Variants in HFM1 observed in about 807,000 individuals in gnomAD.
The protein encoded by HFM1 is helicase for meiosis 1, also known as probable ATP-dependent DNA helicase HFM1.
HFM1 carries 169 observed loss-of-function variants against 192.1 expected under a neutral mutation model. The observed-to-expected ratio is 0.88, with a 90% confidence interval of 0.78 to 1.00. The LOEUF is 1.00. Among genes scored for constraint, HFM1 ranks in the 50% least tolerant of loss-of-function variants. HFM1 has a pLI of 0.00. For synonymous variants in HFM1, 525 were observed against 537.8 expected (o/e 0.98, Z 0.33); for missense variants, 1,661 against 1,668.0 (o/e 1.00, Z 0.07).
intron 23 of HFM1, 28 bp downstream of exon 23, chr1:91,322,922 A>T (rs978284602): frequency 9.3e-7 from 1 of 1,079,782 alleles, no homozygotes; most frequent in African/African-American, 1.7e-5. Flanking sequence ...AAAAAAAGAA[A>T]ACTTTCATAA....
intron 30 of HFM1, among the ~76,000 whole-genome samples, chr1:91,282,836 T>TA (rs759085610): frequency 3.3e-5 from 5 of 152,208 alleles, no homozygotes; most frequent in Admixed American, 6.5e-5. Context: ...CTTTGGGTCT[T>TA]AAATACTAAA....
intron 38 of HFM1, chr1:91,261,589 A>G (rs1448498709): frequency 3.4e-6 from 1 of 294,552 alleles, no homozygotes; most frequent in Non-Finnish European, 6.3e-6. Flanking sequence ...CTTTAAATAT[A>G]TTGAAAAGTT....
chr1:91,284,797 A>C (rs541203262), intron 30 of HFM1, among the ~76,000 whole-genome samples: 20 of 152,302 alleles, frequency 1.3e-4, no homozygotes, highest in African/African-American at 4.6e-4. Flanking sequence ...GTTCTTCCTC[A>C]AATTATACAA....
chr1:91,402,932 C>T (rs1416072458), intron 1 of HFM1, among the ~76,000 whole-genome samples: 1 of 152,040 alleles, frequency 6.6e-6, no homozygotes, highest in African/African-American at 2.4e-5. Flanking sequence ...CAAAAACCTC[C>T]TATACAAACA....
chr1:91,277,506 G>GTGTGTGT (rs1557765788), intron 30 of HFM1, among the ~76,000 whole-genome samples: 5 of 134,096 alleles, frequency 3.7e-5, no homozygotes, highest in African/African-American at 1.1e-4. Flanking sequence ...CTCCCTGGTG[G>GTGTGTGT]GTGTGTGTGT....
chr1:91,351,492 G>T, intron 17 of HFM1, 57 bp downstream of exon 17: 1 of 886,264 alleles, frequency 1.1e-6, no homozygotes, highest in Non-Finnish European at 1.8e-6. Context: ...ATTTTAAAAG[G>T]AAATAAAATA....
chr1:91,353,644 T>C (rs1486888328), intron 13 of HFM1, among the ~76,000 whole-genome samples: 34 of 38,190 alleles, frequency 8.9e-4, no homozygotes, highest in Non-Finnish European at 8.7e-4. Flanking sequence ...ATATTACTAG[T>C]AAATAAGCAA....
At chr1:91,265,450 T>A (rs1256358323) in intron 36 of HFM1, among the ~76,000 whole-genome samples, 1 of 152,204 alleles carries the variant, frequency 6.6e-6, no homozygotes. Flanking sequence ...GGCTGCTCCC[T>A]TTAGATGGGA....
At chr1:91,287,676 G>A (rs1407996343) in intron 30 of HFM1, among the ~76,000 whole-genome samples, 8 of 152,058 alleles carry the variant, frequency 5.3e-5, no homozygotes, top group Non-Finnish European at 8.8e-5. Context: ...TGACTTTGAC[G>A]AGCTGAGAGA....
In HFM1 at chr1:91,269,667, C is replaced by A. The variant is rs118043194; in HGVS notation, c.3773-1812G>T. 1.1e-3 allele frequency among the ~76,000 whole-genome samples: 161 copies of A among 152,168 alleles called. 5 individuals are homozygous for A. The East Asian group carries it at 0.027, about 26-fold the overall frequency. ...GAATGCAGAGGAAGGAGGATCTAAA[C>A]CTGCAATGGAAGTAAGACATACTCT... is the stretch of plus-strand genomic sequence containing the variant. On this transcript the variant is annotated intron_variant, in intron 34 of 38. Transcript: ENST00000370425.
rs1663380511 is a variant in HFM1 at position 91,394,306 on chromosome 1, A to G, written c.281T>C (p.Phe94Ser). The change falls in exon 4 of 39, where the codon TTT (phenylalanine) becomes TCT (serine). Residue 94 changes from phenylalanine (F) to serine (S), a missense_variant. Physicochemically the swap from Phe to Ser is radical, Grantham distance 155. Coordinates refer to ENST00000370425, the MANE Select transcript of HFM1 (RefSeq NM_001017975.6). ...ATCCTGTTCATATTTATCAGAAGGA[A>G]AGGCAAACTGGAATTTTTGTGTTAG... ...ISLTQKFQFAFPSDKYEQDDL... is the reference protein window; with the variant it reads ...ISLTQKFQFASPSDKYEQDDL... The G allele has an allele frequency of 6.3e-7, 1 of 1,588,842 alleles. No individual in the cohort carries two copies. Among genetic ancestry groups the G allele is most frequent in the African/African-American group, 1.3e-5 (1 of 74,430 alleles).
At chr1:91,315,237 A>G (rs767187285) in intron 28 of HFM1, among the ~76,000 whole-genome samples, 2 of 152,224 alleles carry the variant, frequency 1.3e-5, no homozygotes, top group Non-Finnish European at 2.9e-5. Context: ...TAAGTGCTAA[A>G]TAATATTAGT....
At chr1:91,299,131 T>A (rs551136104) in intron 30 of HFM1, among the ~76,000 whole-genome samples, 16 of 151,884 alleles carry the variant, frequency 1.1e-4, no homozygotes, top group African/African-American at 3.9e-4. Flanking sequence ...AAGGCAGGGG[T>A]TGCAATCCTA....
At position 91,316,488 on chromosome 1, in the gene HFM1, TA is replaced by T; in HGVS notation, c.2813-13del. 7.9e-7 allele frequency: 1 copy of T among 1,262,686 alleles called. No homozygotes were observed. Among genetic ancestry groups the T allele is most frequent in the Non-Finnish European group, 1.1e-6 (1 of 917,638 alleles). The allele number at this position is 1,262,686 out of a possible 1,614,324, so 78.2% of individuals were successfully genotyped here. A position where few individuals can be genotyped will look rare whatever the true frequency, so the allele number is the denominator to read the frequency against. On this transcript the variant is annotated splice_polypyrimidine_tract_variant and intron_variant, in intron 25 of 38. Transcript: ENST00000370425. ...TGACAATGTTATACCTGTGGAAAAT[TA>T]ATCAAACAACAACTTAAAAATAATG...
At position 91,272,542 on chromosome 1, in the gene HFM1, T is replaced by C. The variant is rs186163603; in HGVS notation, c.3772+1170A>G. The stretch of plus-strand genomic sequence containing the variant: ...ACACAAAAGTAAGCAGAGGGAAGGA[T>C]AGACAAGCTCTTGTATGCAGAAGGA... On this transcript the variant is annotated intron_variant, in intron 34 of 38. Coordinates refer to ENST00000370425, the MANE Select transcript of HFM1 (RefSeq NM_001017975.6). 1.1e-3 allele frequency among the ~76,000 whole-genome samples: 165 copies of C among 151,964 alleles called. 1 individual carries two copies. Among genetic ancestry groups the C allele is most frequent in the Admixed American group, 3.0e-3 (46 of 15,272 alleles).
intron 20 of HFM1, among the ~76,000 whole-genome samples, chr1:91,337,409 G>A (rs560989095): frequency 3.9e-5 from 6 of 151,992 alleles, no homozygotes; most frequent in Non-Finnish European, 8.8e-5. Context: ...ACTAAAAACT[G>A]ATATACAAAA....
chr1:91,382,358 G>A (rs973231915), intron 6 of HFM1, among the ~76,000 whole-genome samples: 4 of 151,984 alleles, frequency 2.6e-5, no homozygotes, highest in African/African-American at 9.7e-5. Context: ...TATTATAGTT[G>A]TTGAGATCTA....
At chr1:91,328,845 C>A (rs1653345764) in intron 20 of HFM1, 2 of 1,610,342 alleles carry the variant, frequency 1.2e-6, no homozygotes, top group Non-Finnish European at 1.7e-6. Context: ...TACCTTGATG[C>A]ACCCATCGAG....
At position 91,323,983 on chromosome 1, in the gene HFM1, T is replaced by C. The variant is rs934302222; in HGVS notation, c.2427+692A>G. ...ATATTTTAAATAAAAATGAACGGCT[T>C]AAATTTGAGAGTAAATATTTTCTTT... On this transcript the variant is annotated intron_variant, in intron 21 of 38. Coordinates refer to ENST00000370425, the MANE Select transcript of HFM1 (RefSeq NM_001017975.6). 7.2e-5 allele frequency among the ~76,000 whole-genome samples: 11 copies of C among 152,340 alleles called. No homozygotes were observed. The South Asian group carries it at 1.9e-3, about 26-fold the overall frequency.
Sources: gnomAD v4.1 joint callset for allele counts (sites outside exome capture counted in the v4.1 genomes callset) on GRCh38, gnomAD v4.1.1 for gene constraint, MANE v1.5 for transcripts, NCBI Gene and HGNC (gene_info 2026-07-23, HGNC 2026-07-21) for gene names.